PRKCE: variants seen among roughly 807,000 people sequenced by gnomAD.
The protein encoded by PRKCE is protein kinase C epsilon.
PRKCE carries 16 observed loss-of-function variants against 85.4 expected under a neutral mutation model. The observed-to-expected ratio is 0.19, with a 90% confidence interval of 0.13 to 0.28. PRKCE has a LOEUF of 0.28. Among genes scored for constraint, PRKCE ranks in the 10% least tolerant of loss-of-function variants. The pLI is 1.00. For synonymous variants in PRKCE, 388 were observed against 371.5 expected (o/e 1.04, Z -0.51); for missense variants, 573 against 975.2 (o/e 0.59, Z 5.49).
intron 2 of PRKCE, among the ~76,000 whole-genome samples, chr2:45,957,351 C>T (rs987765336): frequency 6.6e-6 from 1 of 152,226 alleles, no homozygotes; most frequent in Admixed American, 6.5e-5. Flanking sequence ...ATTGTCCAAG[C>T]ACCACTTGTT....
chr2:46,032,291 G>T (rs1484086719), intron 10 of PRKCE, among the ~76,000 whole-genome samples: 1 of 152,148 alleles, frequency 6.6e-6, no homozygotes, highest in Non-Finnish European at 1.5e-5. Context: ...CTGGAACTGA[G>T]ATCTTTCCAG....
chr2:45,939,119 TA>T (rs1258807895), intron 2 of PRKCE, among the ~76,000 whole-genome samples: 4 of 152,204 alleles, frequency 2.6e-5, no homozygotes. Flanking sequence ...CCGGAAAATA[TA>T]AAACCAAAAC....
Position 46,151,113 on chromosome 2 carries a change from G to T in PRKCE, c.1804G>T (p.Ala602Ser), listed in dbSNP as rs1179096460. ...GGGGGTGCTGATGTACGAGATGATG[G>T]CTGGACAGCCTCCCTTTGAGGCCGA... is the stretch of plus-strand genomic sequence containing the variant. The part of the protein sequence containing the change: ...ALGVLMYEMM[A>S]GQPPFEADNE... Residue 602 changes from alanine to serine, a missense_variant, in exon 13 of 15, where the codon GCT becomes TCT. By Grantham distance (99) the Ala-to-Ser change is moderately conservative. This residue lies in a region of PRKCE where 72 missense variants were observed against 166.0 expected (regional missense o/e 0.43). Coordinates refer to ENST00000306156, the MANE Select transcript of PRKCE (RefSeq NM_005400.3). 18 of 1,599,448 alleles carry T rather than the reference G, an allele frequency of 1.1e-5. No homozygotes were observed. Among genetic ancestry groups the T allele is most frequent in the Non-Finnish European group, 1.5e-5 (18 of 1,179,920 alleles).
chr2:45,753,726 C>G (rs1460520535), intron 1 of PRKCE, among the ~76,000 whole-genome samples: 2 of 152,194 alleles, frequency 1.3e-5, no homozygotes, highest in African/African-American at 4.8e-5. Context: ...ATGACCCACT[C>G]CCATGTCCCC....
intron 1 of PRKCE, among the ~76,000 whole-genome samples, chr2:45,762,281 C>T (rs966333307): frequency 6.6e-6 from 1 of 152,174 alleles, no homozygotes; most frequent in Non-Finnish European, 1.5e-5. Context: ...GATTGTGTAT[C>T]TGGGGATGTT....
Position 46,123,148 on chromosome 2 carries a change from C to CAAAA in PRKCE, c.1593-21930_1593-21927dup, listed in dbSNP as rs71394873. ...AGGAAAGTTGACTGAAGTTCACTAG[C>CAAAA]AAAAAAAAAAAAAAAAAATGTGCAA... On this transcript the variant is annotated intron_variant, in intron 11 of 14. Coordinates refer to ENST00000306156, the MANE Select transcript of PRKCE (RefSeq NM_005400.3). 3.1e-3 allele frequency among the ~76,000 whole-genome samples: 257 copies of CAAAA among 84,250 alleles called. 6 individuals carry two copies. The highest frequency in any genetic ancestry group is 0.018 in the South Asian group (33 of 1,830). 55.3% of individuals were successfully genotyped at this position (84,250 alleles called of 152,430 possible).
In PRKCE at chr2:45,945,468, G is replaced by T. The variant is rs1053201328; in HGVS notation, c.413-30961G>T. Reference sequence around the variant, plus strand: ...GCCCCAAGCCATTCATGAGGGATCCGCCCTGTGACTCAAACACCTCCCACC... The same window carrying T: ...GCCCCAAGCCATTCATGAGGGATCCTCCCTGTGACTCAAACACCTCCCACC... On this transcript the variant is annotated intron_variant, in intron 2 of 14. Transcript: ENST00000306156. Among the ~76,000 whole-genome samples, 7 of 152,168 alleles carry T rather than the reference G, an allele frequency of 4.6e-5. No homozygotes were observed. In the East Asian group the frequency reaches 1.3e-3, roughly 29 times the overall value.
At chr2:46,146,326 G>T (rs956857228) in intron 12 of PRKCE, among the ~76,000 whole-genome samples, 1 of 152,276 alleles carries the variant, frequency 6.6e-6, no homozygotes. Context: ...AGCACATTCA[G>T]AGCTCATTTC....
chr2:46,071,839 A>C (rs539258565), intron 10 of PRKCE, among the ~76,000 whole-genome samples: 2 of 152,302 alleles, frequency 1.3e-5, no homozygotes, highest in South Asian at 4.1e-4. Flanking sequence ...CCACCTTTCC[A>C]AGTATTTAGG....
chr2:46,147,817 T>TG (rs1277693510), intron 12 of PRKCE, among the ~76,000 whole-genome samples: 1 of 152,214 alleles, frequency 6.6e-6, no homozygotes, highest in Non-Finnish European at 1.5e-5. Context: ...TCCTGAGAAT[T>TG]GAGTCTTGAG....
intron 1 of PRKCE, among the ~76,000 whole-genome samples, chr2:45,807,772 C>T (rs1361184690): frequency 2.0e-5 from 3 of 152,050 alleles, no homozygotes; most frequent in Non-Finnish European, 4.4e-5. Flanking sequence ...GAGTCAGGAG[C>T]TGCCAATGGA....
chr2:45,996,041 G>A (rs74700269), intron 6 of PRKCE, among the ~76,000 whole-genome samples: 3,744 of 152,042 alleles, frequency 0.025, 91 homozygotes, highest in East Asian at 0.12. Flanking sequence ...TTTTCACAAC[G>A]GTTTTGTAGT....
At chr2:45,843,775 AG>A (rs1008472474) in intron 2 of PRKCE, among the ~76,000 whole-genome samples, 2 of 152,248 alleles carry the variant, frequency 1.3e-5, no homozygotes, top group Non-Finnish European at 2.9e-5. Context: ...GCTCTAAGAA[AG>A]ATTTGGAATT....
At chr2:45,797,107 C>A (rs977158434) in intron 1 of PRKCE, among the ~76,000 whole-genome samples, 2 of 152,150 alleles carry the variant, frequency 1.3e-5, no homozygotes, top group African/African-American at 4.8e-5. Flanking sequence ...TGCTGTCTAG[C>A]GTTTGATGTT....
At chr2:45,761,280 TCA>T (rs1164992924) in intron 1 of PRKCE, among the ~76,000 whole-genome samples, 2 of 120,356 alleles carry the variant, frequency 1.7e-5, no homozygotes, top group African/African-American at 3.3e-5. Flanking sequence ...TAAGCCGAGA[TCA>T]CACCACTGCA....
chr2:45,706,222 C>T (rs1255408064), intron 1 of PRKCE, among the ~76,000 whole-genome samples: 1 of 152,138 alleles, frequency 6.6e-6, no homozygotes, highest in African/African-American at 2.4e-5. Flanking sequence ...AATAGTTTCA[C>T]AGCTGCTGTT....
intron 1 of PRKCE, among the ~76,000 whole-genome samples, chr2:45,713,745 A>G (rs950594508): frequency 6.6e-5 from 10 of 152,194 alleles, no homozygotes; most frequent in African/African-American, 1.9e-4. Context: ...AGAAGTGAAG[A>G]TAAAACACCC....
intron 2 of PRKCE, among the ~76,000 whole-genome samples, chr2:45,865,398 T>C (rs1693510516): frequency 6.6e-6 from 1 of 152,124 alleles, no homozygotes; most frequent in Non-Finnish European, 1.5e-5. Flanking sequence ...CCCAGGTGAT[T>C]TGAATGTGCA....
chr2:46,172,897 C>T (rs1357906241), intron 14 of PRKCE, among the ~76,000 whole-genome samples: 1 of 152,196 alleles, frequency 6.6e-6, no homozygotes. Context: ...ACTTAGAAAG[C>T]CAGGCTTTTT....
Sources: allele counts gnomAD v4.1 joint callset (sites outside exome capture counted in the v4.1 genomes callset), GRCh38; gene constraint gnomAD v4.1.1; regional missense constraint gnomAD v4.1.1; transcripts MANE v1.5; gene names NCBI Gene and HGNC (gene_info 2026-07-23, HGNC 2026-07-21).